Variants in PIAS1 observed in about 807,000 individuals in gnomAD.
PIAS1 encodes the protein E3 SUMO-protein ligase PIAS1.
Under a neutral mutation model 71.3 loss-of-function variants are expected in PIAS1, and 6 were observed. That is an observed-to-expected ratio of 0.08 (90% CI 0.05 to 0.17). PIAS1 has a LOEUF of 0.17. Ranked by LOEUF, PIAS1 falls within the 10% of genes least tolerant of loss-of-function variation. The probability of loss-of-function intolerance (pLI) is 1.00; values close to 1 mark genes in which losing one functional copy is unlikely to be tolerated. For synonymous variants in PIAS1, 303 were observed against 292.9 expected, an observed-to-expected ratio of 1.03 and a Z score of -0.35; for missense variants, 555 against 793.6, an observed-to-expected ratio of 0.70 and a Z score of 3.61.
chr15:68,146,630 C>T lies in PIAS1; in HGVS notation c.758C>T (p.Thr253Ile), dbSNP rs779657844. The change falls in exon 6 of 14, where the codon ACC (threonine) becomes ATC (isoleucine). Residue 253 changes from threonine to isoleucine, a missense_variant. Physicochemically the swap from Thr to Ile is moderately conservative, Grantham distance 89. This residue lies in a region of PIAS1 where 134 missense variants were observed against 203.4 expected (regional missense o/e 0.66). Transcript: ENST00000249636. Reference sequence around the variant, plus strand: ...CGACCCAGCCGACCAATTAATATCACCTCACTTGTCCGACTGTCCACAACA... The same window carrying T: ...CGACCCAGCCGACCAATTAATATCATCTCACTTGTCCGACTGTCCACAACA... Reference protein sequence around the residue: ...PKRPSRPINITSLVRLSTTVP... With the variant: ...PKRPSRPINIISLVRLSTTVP... 1 of 1,613,096 alleles carries T rather than the reference C, an allele frequency of 6.2e-7. No individual in the cohort carries two copies. The highest frequency in any genetic ancestry group is 1.7e-5 in the Admixed American group (1 of 60,008).
intron 6 of PIAS1, among the ~76,000 whole-genome samples, chr15:68,151,899 C>T (rs1285185629): frequency 1.4e-5 from 2 of 145,032 alleles, no homozygotes; most frequent in Non-Finnish European, 1.5e-5. Context: ...CTTGTCAATG[C>T]TATATCAGAT....
intron 2 of PIAS1, among the ~76,000 whole-genome samples, chr15:68,106,149 G>A (rs1009426270): frequency 1.6e-4 from 24 of 151,916 alleles, no homozygotes; most frequent in Admixed American, 1.6e-3. Context: ...CTTAATTTGT[G>A]TATACATACA....
At chr15:68,060,142 A>G (rs1282655869) in intron 1 of PIAS1, among the ~76,000 whole-genome samples, 1 of 152,174 alleles carries the variant, frequency 6.6e-6, no homozygotes, top group Non-Finnish European at 1.5e-5. Flanking sequence ...ATCTATTCAT[A>G]CTATTCTATG....
chr15:68,091,611 C>T (rs72759523), intron 2 of PIAS1, among the ~76,000 whole-genome samples: 7,006 of 152,186 alleles, frequency 0.046, 210 homozygotes, highest in Non-Finnish European at 0.066. Context: ...GCTTTGCATT[C>T]ATTTGGACTA....
intron 1 of PIAS1, among the ~76,000 whole-genome samples, chr15:68,075,078 C>CTTTTTTTTTTTTTTT (rs146114696): frequency 1.2e-5 from 1 of 81,784 alleles, no homozygotes. Context: ...TTCTTTCTTT[C>CTTTTTTTTTTTTTTT]TTTTTTTTTT....
At chr15:68,119,109 A>G (rs2092590984) in intron 2 of PIAS1, among the ~76,000 whole-genome samples, 1 of 282 alleles carries the variant, frequency 3.5e-3, no homozygotes. Context: ...CCAATTAAAA[A>G]CTGGGCAGGC....
chr15:68,075,957 G>A (rs1470573946), intron 1 of PIAS1, among the ~76,000 whole-genome samples: 1 of 151,828 alleles, frequency 6.6e-6, no homozygotes, highest in Non-Finnish European at 1.5e-5. Flanking sequence ...TCATTTTTAT[G>A]TTTTTAGTGG....
At chr15:68,113,126 T>C (rs2092536193) in intron 2 of PIAS1, among the ~76,000 whole-genome samples, 1 of 152,168 alleles carries the variant, frequency 6.6e-6, no homozygotes, top group Non-Finnish European at 1.5e-5. Context: ...GGAAAGACTT[T>C]AATATGTTTT....
chr15:68,120,046 G>A lies in PIAS1; in HGVS notation c.470-21900G>A, dbSNP rs183838678. On this transcript the variant is annotated intron_variant, in intron 2 of 13. Transcript: ENST00000249636. Reference sequence around the variant, plus strand: ...TGGATTCAGACTCCTGGGCTGAAGCGATCCTTCTGCCTCAGTGTCCTGAGT... The same window carrying A: ...TGGATTCAGACTCCTGGGCTGAAGCAATCCTTCTGCCTCAGTGTCCTGAGT... 3.9e-3 allele frequency among the ~76,000 whole-genome samples: 597 copies of A among 152,306 alleles called. 6 individuals are homozygous for A. Among genetic ancestry groups the A allele is most frequent in the African/African-American group, 0.013 (558 of 41,582 alleles).
intron 2 of PIAS1, among the ~76,000 whole-genome samples, chr15:68,095,697 A>AT (rs2092368911): frequency 2.6e-5 from 4 of 151,766 alleles, no homozygotes; most frequent in Admixed American, 6.6e-5. Flanking sequence ...CGCCTGGCTC[A>AT]TTTTTTGTAT....
At chr15:68,182,186 G>C (rs1014110489) in intron 12 of PIAS1, among the ~76,000 whole-genome samples, 3 of 151,812 alleles carry the variant, frequency 2.0e-5, no homozygotes, top group African/African-American at 7.3e-5. Context: ...TTTAAAAGCT[G>C]TTTGAAATGT....
chr15:68,131,829 TC>T (rs1488432738), intron 2 of PIAS1, among the ~76,000 whole-genome samples: 1 of 152,122 alleles, frequency 6.6e-6, no homozygotes, highest in East Asian at 1.9e-4. Context: ...AGTGTAGACA[TC>T]TCTTTGACAT....
intron 1 of PIAS1, among the ~76,000 whole-genome samples, chr15:68,056,881 A>G (rs1435612801): frequency 1.3e-5 from 2 of 152,220 alleles, no homozygotes; most frequent in African/African-American, 2.4e-5. Context: ...GGTAAATATC[A>G]TACATTCCTA....
At chr15:68,123,649 C>T (rs2092628753) in intron 2 of PIAS1, among the ~76,000 whole-genome samples, 1 of 151,970 alleles carries the variant, frequency 6.6e-6, no homozygotes, top group Non-Finnish European at 1.5e-5. Context: ...GGAGTCTGCA[C>T]TATAGGAAAC....
chr15:68,180,356 C>T (rs1309177710), intron 11 of PIAS1, among the ~76,000 whole-genome samples: 2 of 152,052 alleles, frequency 1.3e-5, no homozygotes, highest in Non-Finnish European at 2.9e-5. Context: ...CTCAGCCTCC[C>T]GAAGTATGGG....
intron 2 of PIAS1, among the ~76,000 whole-genome samples, chr15:68,093,587 T>A (rs74020025): frequency 6.6e-6 from 1 of 152,204 alleles, no homozygotes; most frequent in Non-Finnish European, 1.5e-5. Context: ...TGAGAATAAT[T>A]TAAGTGGTTT....
intron 1 of PIAS1, among the ~76,000 whole-genome samples, chr15:68,063,673 T>A (rs540227282): frequency 1.3e-5 from 2 of 152,338 alleles, no homozygotes; most frequent in South Asian, 2.1e-4. Flanking sequence ...ATTATACAAG[T>A]AATGCATCAG....
At chr15:68,139,490 T>A (rs1190154475) in intron 2 of PIAS1, among the ~76,000 whole-genome samples, 1 of 152,234 alleles carries the variant, frequency 6.6e-6, no homozygotes, top group East Asian at 1.9e-4. Context: ...TGTACTCATA[T>A]GTTGTAAAGC....
Position 68,187,318 on chromosome 15 carries a change from A to G in PIAS1, c.1663-224A>G, listed in dbSNP as rs2093094341. ...ACTAAAACAAAAAACAATAAAATTT[A>G]TATTTTGTTTTTCCTCCAGTTTCAG... On this transcript the variant is annotated intron_variant, in intron 13 of 13. Transcript: ENST00000249636. This position sits in a 1 kb window ranked among gnomAD's most constrained non-coding sequence, Gnocchi z 5.3. Among the ~76,000 whole-genome samples the G allele has an allele frequency of 6.6e-6, 1 of 152,166 alleles. No individual in the cohort carries two copies. The highest frequency in any genetic ancestry group is 2.1e-4 in the South Asian group (1 of 4,834).
Sources: gnomAD v4.1 joint callset for allele counts (sites outside exome capture counted in the v4.1 genomes callset) on GRCh38, gnomAD v4.1.1 for gene constraint, gnomAD v4.1.1 regional missense constraint, Gnocchi (gnomAD v3.1) non-coding constraint, MANE v1.5 for transcripts, NCBI Gene and HGNC (gene_info 2026-07-23, HGNC 2026-07-21) for gene names.